GRID2: variants seen among roughly 807,000 people sequenced by gnomAD.
GRID2 encodes the protein glutamate receptor ionotropic, delta-2.
Under a neutral mutation model 114.8 loss-of-function variants are expected in GRID2, and 33 were observed. The observed-to-expected ratio is 0.29, with a 90% CI of 0.22 to 0.38. GRID2 has a LOEUF of 0.38. Ranked by LOEUF, GRID2 falls within the 10% of genes least tolerant of loss-of-function variation. GRID2 has a pLI of 1.00. For missense variants in GRID2, 1,184 were observed against 1,257.7 expected (o/e 0.94, Z 0.89); for synonymous variants, 505 against 449.9 (o/e 1.12, Z -1.55).
chr4:93,052,313 G>A (rs62308171), intron 2 of GRID2, among the ~76,000 whole-genome samples: 84 of 151,934 alleles, frequency 5.5e-4, no homozygotes, highest in Non-Finnish European at 9.3e-4. Context: ...GCACACTTAC[G>A]CAACTTTAAT....
rs201480396 is a variant in GRID2, at chr4:92,658,793, G to GTATATATATATATATATATA, written c.244+68514_244+68533dup. Among the ~76,000 whole-genome samples the GTATATATATATATATATATA allele has an allele frequency of 7.3e-4, 97 of 132,326 alleles. 2 individuals are homozygous for GTATATATATATATATATATA. Among genetic ancestry groups the GTATATATATATATATATATA allele is most frequent in the Non-Finnish European group, 1.3e-3 (79 of 61,588 alleles). The allele number at this position is 132,326 out of a possible 152,430, so 86.8% of individuals were successfully genotyped here. ...TGTTTGCATGTATGTGTGTGTGTGT[G>GTATATATATATATATATATA]TATATATATATATATATATATATAT... On this transcript the variant is annotated intron_variant, in intron 2 of 15. Transcript: ENST00000282020.
At chr4:93,234,040 G>T (rs944532720) in intron 7 of GRID2, among the ~76,000 whole-genome samples, 4 of 152,046 alleles carry the variant, frequency 2.6e-5, no homozygotes, top group African/African-American at 7.2e-5. Flanking sequence ...GTATCATTTA[G>T]AATTTACAAA....
intron 1 of GRID2, among the ~76,000 whole-genome samples, chr4:92,578,051 T>A (rs948252629): frequency 1.0e-4 from 3 of 29,070 alleles, no homozygotes; most frequent in Non-Finnish European, 2.1e-4. Context: ...TTTCTTCTTC[T>A]TCTTCTTCTT....
intron 2 of GRID2, among the ~76,000 whole-genome samples, chr4:92,913,547 C>T (rs1748545734): frequency 6.6e-6 from 1 of 151,914 alleles, no homozygotes; most frequent in Non-Finnish European, 1.5e-5. Context: ...CCTGCATGAA[C>T]TTGTCCTAGA....
chr4:92,732,145 C>T (rs558398458), intron 2 of GRID2, among the ~76,000 whole-genome samples: 2 of 152,024 alleles, frequency 1.3e-5, no homozygotes, highest in African/African-American at 4.8e-5. Context: ...AACACCCCAT[C>T]CCATTCATTT....
chr4:93,141,563 A>G (rs1735770562), intron 4 of GRID2, among the ~76,000 whole-genome samples: 1 of 152,258 alleles, frequency 6.6e-6, no homozygotes, highest in Admixed American at 6.5e-5. Flanking sequence ...GCTTTTGAAA[A>G]AAAAAGTCTT....
At chr4:92,523,117 A>T (rs2149141689) in intron 1 of GRID2, among the ~76,000 whole-genome samples, 1 of 152,176 alleles carries the variant, frequency 6.6e-6, no homozygotes, top group Non-Finnish European at 1.5e-5. Context: ...GGGTAAGAAT[A>T]GGATGACTTG....
chr4:92,512,547 T>C (rs1724305614), intron 1 of GRID2, among the ~76,000 whole-genome samples: 1 of 151,894 alleles, frequency 6.6e-6, no homozygotes, highest in Non-Finnish European at 1.5e-5. Context: ...AATTACAAAC[T>C]TAAATGACAA....
chr4:93,483,378 C>T (rs1181618510), intron 11 of GRID2, among the ~76,000 whole-genome samples: 2 of 151,908 alleles, frequency 1.3e-5, no homozygotes, highest in Non-Finnish European at 2.9e-5. Context: ...TTAGTTTTCT[C>T]CCATTTTTTT....
At chr4:92,533,201 G>GTT (rs1471978543) in intron 1 of GRID2, among the ~76,000 whole-genome samples, 3 of 112,090 alleles carry the variant, frequency 2.7e-5, no homozygotes, top group African/African-American at 5.8e-5. Flanking sequence ...TGTTTTTTTT[G>GTT]TTTTTTTTTT....
At position 93,002,533 on chromosome 4, in the gene GRID2, T is replaced by G. The variant is rs958478097; in HGVS notation, c.245-82462T>G. Among the ~76,000 whole-genome samples the G allele has an allele frequency of 3.3e-5, 5 of 151,738 alleles. No homozygotes were observed. In the Admixed American group the frequency reaches 3.3e-4, roughly 10 times the overall value. On this transcript the variant is annotated intron_variant, in intron 2 of 15. Transcript: ENST00000282020. ...CTCGGTGTCATACATTCCTGGAAAT[T>G]AGAAAATAATTTATCCCATCTGCAA...
In GRID2 at chr4:92,422,026, A is replaced by G. The variant is rs189371246; in HGVS notation, c.88+117282A>G. On this transcript the variant is annotated intron_variant, in intron 1 of 15. Transcript: ENST00000282020. ...AATTAAGCAGAGAAAGGAATGGAGAATGATGCCTTGGAGCAGCATGAGTGG... is the reference window on the plus strand; with the variant it reads ...AATTAAGCAGAGAAAGGAATGGAGAGTGATGCCTTGGAGCAGCATGAGTGG... Among the ~76,000 whole-genome samples, 5 of 152,252 alleles carry G rather than the reference A, an allele frequency of 3.3e-5. No homozygotes were observed. The East Asian group carries it at 9.7e-4, about 29-fold the overall frequency.
chr4:93,795,996 G>C (rs1056730340), intron 1 of GRID2, among the ~76,000 whole-genome samples: 2 of 152,150 alleles, frequency 1.3e-5, no homozygotes, highest in Admixed American at 6.5e-5. Flanking sequence ...AAGTTCACAT[G>C]GTTGCTGGAA....
rs1320072871 is a variant in GRID2, at chr4:92,935,605, A to G, written c.245-149390A>G. ...ACACACGTATGTTTATTGCGGCACT[A>G]TTCACAACAGCAAAGACTTGGAACC... On this transcript the variant is annotated intron_variant, in intron 2 of 15. Transcript: ENST00000282020. Among the ~76,000 whole-genome samples the G allele has an allele frequency of 2.7e-5, 4 of 147,016 alleles. 1 individual carries two copies. The highest frequency in any genetic ancestry group is 6.0e-5 in the Non-Finnish European group (4 of 66,482).
intron 14 of GRID2, among the ~76,000 whole-genome samples, chr4:93,695,997 T>A (rs944264182): frequency 6.6e-6 from 1 of 152,220 alleles, no homozygotes; most frequent in Non-Finnish European, 1.5e-5. Flanking sequence ...AAAACCACAC[T>A]ATAACTTCAC....
At chr4:93,401,846 C>CT (rs1765921644) in intron 9 of GRID2, among the ~76,000 whole-genome samples, 1 of 152,054 alleles carries the variant, frequency 6.6e-6, no homozygotes, top group South Asian at 2.1e-4. Context: ...CTGCAGCAGA[C>CT]AGCCACCTAC....
chr4:93,527,288 T>C (rs1175351552), intron 13 of GRID2, among the ~76,000 whole-genome samples: 1 of 152,208 alleles, frequency 6.6e-6, no homozygotes, highest in Non-Finnish European at 1.5e-5. Flanking sequence ...CATAACTCTA[T>C]TATTTTTCTT....
chr4:92,760,215 G>A (rs984148951), intron 2 of GRID2, among the ~76,000 whole-genome samples: 2 of 139,808 alleles, frequency 1.4e-5, no homozygotes, highest in African/African-American at 5.4e-5. Context: ...TCCAGCCTGG[G>A]TGACATAGCG....
chr4:92,673,852 C>T (rs922365537), intron 2 of GRID2, among the ~76,000 whole-genome samples: 3 of 152,020 alleles, frequency 2.0e-5, no homozygotes, highest in Non-Finnish European at 4.4e-5. Context: ...GGAGGGATAG[C>T]ATTAGGAGAT....
Sources: allele counts gnomAD v4.1 joint callset (sites outside exome capture counted in the v4.1 genomes callset), GRCh38; gene constraint gnomAD v4.1.1; transcripts MANE v1.5; gene names NCBI Gene and HGNC (gene_info 2026-07-23, HGNC 2026-07-21).